LINGO2: variants seen among roughly 807,000 people sequenced by gnomAD.
LINGO2 encodes leucine rich repeat and Ig domain containing 2, also known as leucine-rich repeat and immunoglobulin-like domain-containing nogo receptor-interacting protein 2.
LINGO2 carries 14 observed loss-of-function variants against 30.6 expected under a neutral mutation model. That is an observed-to-expected ratio of 0.46 (90% CI 0.30 to 0.72). LINGO2 has a LOEUF of 0.72. Among genes scored for constraint, LINGO2 ranks in the 30% least tolerant of loss-of-function variants. LINGO2 has a pLI of 0.07. For synonymous variants in LINGO2, 317 were observed against 288.5 expected, an observed-to-expected ratio of 1.10 and a Z score of -1.00; for missense variants, 729 against 751.7, an observed-to-expected ratio of 0.97 and a Z score of 0.35.
the LINGO2 span, among the ~76,000 whole-genome samples, chr9:28,705,317 C>T: frequency 1.1e-4 from 17 of 152,020 alleles, no homozygotes; most frequent in African/African-American, 4.1e-4. Flanking sequence ...TAGGGGAAGA[C>T]AAATAACAGT....
the LINGO2 span, among the ~76,000 whole-genome samples, chr9:29,074,640 C>T: frequency 3.5e-3 from 523 of 149,272 alleles, 2 homozygotes; most frequent in African/African-American, 0.012. Context: ...CTGCTAAACA[C>T]ATAAGTTACA....
At chr9:28,126,361 A>T (rs1248000464) in intron 4 of LINGO2, among the ~76,000 whole-genome samples, 1 of 152,122 alleles carries the variant, frequency 6.6e-6, no homozygotes, top group African/African-American at 2.4e-5. Flanking sequence ...AATGGCTTTA[A>T]GTGGAAGGGG....
intron 2 of LINGO2, among the ~76,000 whole-genome samples, chr9:28,410,590 G>A (rs1822720614): frequency 6.6e-6 from 1 of 152,066 alleles, no homozygotes; most frequent in Non-Finnish European, 1.5e-5. Flanking sequence ...GAGAGCATGA[G>A]ACTGCTGCTT....
chr9:28,232,886 T>A (rs1364339524), intron 4 of LINGO2, among the ~76,000 whole-genome samples: 1 of 151,344 alleles, frequency 6.6e-6, no homozygotes, highest in African/African-American at 2.4e-5. Context: ...GTCAACTCCA[T>A]TGCTGTGAAT....
At chr9:28,561,567 T>TATATAATATAATGTATTCAG (rs59876696) in intron 1 of LINGO2, among the ~76,000 whole-genome samples, 1 of 138,368 alleles carries the variant, frequency 7.2e-6, no homozygotes, top group African/African-American at 2.9e-5. Flanking sequence ...AATAGATTTA[T>TATATAATATAATGTATTCAG]ATATAATATA....
intron 2 of LINGO2, among the ~76,000 whole-genome samples, chr9:28,452,274 A>G (rs10812832): frequency 0.74 from 112,827 of 151,588 alleles, 42,165 homozygotes; most frequent in East Asian, 0.83. Context: ...GGACTCACAT[A>G]TCTTAAGAAA....
intron 4 of LINGO2, among the ~76,000 whole-genome samples, chr9:28,275,368 C>T (rs575443910): frequency 1.3e-5 from 2 of 152,178 alleles, no homozygotes; most frequent in East Asian, 1.9e-4. Context: ...CCACCACACC[C>T]GGCCCTAAAG....
intron 4 of LINGO2, among the ~76,000 whole-genome samples, chr9:28,117,915 G>C (rs1826979023): frequency 6.6e-6 from 1 of 152,224 alleles, no homozygotes; most frequent in Non-Finnish European, 1.5e-5. Context: ...ACAAGACATG[G>C]GGGCAGCAAG....
At chr9:28,877,279 G>T in the LINGO2 span, among the ~76,000 whole-genome samples, 1 of 151,968 alleles carries the variant, frequency 6.6e-6, no homozygotes, top group East Asian at 1.9e-4. Context: ...GTCAATTTTG[G>T]CTTTCGTTGC....
intron 3 of LINGO2, among the ~76,000 whole-genome samples, chr9:28,305,428 C>A (rs537771165): frequency 6.6e-6 from 1 of 151,924 alleles, no homozygotes; most frequent in East Asian, 1.9e-4. Context: ...GTTAAAACTG[C>A]CTTTATTTGC....
At chr9:28,184,359 C>G (rs1052418077) in intron 4 of LINGO2, among the ~76,000 whole-genome samples, 4 of 152,162 alleles carry the variant, frequency 2.6e-5, no homozygotes, top group Non-Finnish European at 4.4e-5. Flanking sequence ...ACAAGTGATA[C>G]TATGAGGCAC....
chr9:28,387,148 T>C (rs1038968231), intron 2 of LINGO2, among the ~76,000 whole-genome samples: 10 of 152,124 alleles, frequency 6.6e-5, no homozygotes, highest in Non-Finnish European at 5.9e-5. Flanking sequence ...ACTCTGTGTC[T>C]AGCTAAAGGT....
the LINGO2 span, among the ~76,000 whole-genome samples, chr9:28,874,750 G>A: frequency 1.3e-5 from 2 of 152,174 alleles, no homozygotes; most frequent in East Asian, 3.9e-4. Context: ...GATGTGAAAT[G>A]CTTTACTTTT....
intron 4 of LINGO2, among the ~76,000 whole-genome samples, chr9:28,019,732 T>G (rs916087299): frequency 1.3e-5 from 2 of 152,142 alleles, no homozygotes; most frequent in Non-Finnish European, 2.9e-5. Flanking sequence ...AAAGCAATAT[T>G]TTTTCTAAAA....
the LINGO2 span, among the ~76,000 whole-genome samples, chr9:28,676,636 T>TTGG: frequency 2.6e-4 from 40 of 152,166 alleles, 1 homozygote; most frequent in Non-Finnish European, 4.4e-4. Flanking sequence ...GGTGGTGGTG[T>TTGG]TGGTGGTGGT....
chr9:28,814,795 T>A, the LINGO2 span, among the ~76,000 whole-genome samples: 56,990 of 148,688 alleles, frequency 0.38, 12,634 homozygotes, highest in Middle Eastern at 0.51. Flanking sequence ...CCTCTCTCTC[T>A]CACACACACA....
chr9:28,837,649 A>T, the LINGO2 span, among the ~76,000 whole-genome samples: 3 of 75,792 alleles, frequency 4.0e-5, no homozygotes, highest in East Asian at 5.5e-4. Flanking sequence ...CTCCGTCTAA[A>T]ATATATATAT....
chr9:28,199,439 C>T (rs1290308874), intron 4 of LINGO2, among the ~76,000 whole-genome samples: 1 of 151,140 alleles, frequency 6.6e-6, no homozygotes, highest in Admixed American at 6.6e-5. Context: ...CCCGGGTTCA[C>T]GCCATTCTCC....
chr9:28,624,688 G>T (rs1718454586), intron 1 of LINGO2, among the ~76,000 whole-genome samples: 1 of 151,176 alleles, frequency 6.6e-6, no homozygotes, highest in Admixed American at 6.6e-5. Flanking sequence ...TGGCCTTGTA[G>T]AATGAGTTTT....
Sources: allele counts gnomAD v4.1 joint callset (sites outside exome capture counted in the v4.1 genomes callset), GRCh38; gene constraint gnomAD v4.1.1; transcripts MANE v1.5; gene names NCBI Gene and HGNC (gene_info 2026-07-23, HGNC 2026-07-21).